Variants in SKA2 observed in about 807,000 individuals in gnomAD.
SKA2 encodes spindle and kinetochore-associated protein 2.
A neutral mutation model predicts 16.9 loss-of-function variants in SKA2; 13 were observed. The observed-to-expected ratio is 0.77, with a 90% CI of 0.50 to 1.22. The LOEUF is 1.22. Ranked by LOEUF, SKA2 falls within the 50% of genes most tolerant of loss-of-function variation. SKA2 has a pLI of 0.00. For missense variants in SKA2, 107 were observed against 139.7 expected (o/e 0.77, Z 1.18); for synonymous variants, 47 against 48.5 (o/e 0.97, Z 0.13).
chr17:59,153,270 T>C (rs1714287518), intron 1 of SKA2, among the ~76,000 whole-genome samples: 1 of 152,242 alleles, frequency 6.6e-6, no homozygotes, highest in African/African-American at 2.4e-5. Flanking sequence ...AAGGGCAAGA[T>C]AGTCTTAACA....
chr17:59,128,391 G>A (rs1056320105), intron 2 of SKA2, among the ~76,000 whole-genome samples: 5 of 151,626 alleles, frequency 3.3e-5, no homozygotes, highest in Admixed American at 6.6e-5. Context: ...TTGGGAGGCC[G>A]AGGAGGGTGG....
At position 59,150,950 on chromosome 17, in the gene SKA2, C is replaced by T. The variant is rs374467715; in HGVS notation, c.33+4181G>A. Reference sequence around the variant, plus strand: ...TTAGATATAAAAAATATTCTCCAGACGTGTTTCATAATGCAGTAAAATATT... The same window carrying T: ...TTAGATATAAAAAATATTCTCCAGATGTGTTTCATAATGCAGTAAAATATT... On this transcript the variant is annotated intron_variant, in intron 1 of 3. Transcript: ENST00000330137. Among the ~76,000 whole-genome samples the T allele has an allele frequency of 5.3e-5, 8 of 151,462 alleles. No homozygotes were observed. The East Asian group carries it at 1.2e-3, about 22-fold the overall frequency.
At chr17:59,125,074 A>G (rs9889557) in intron 2 of SKA2, among the ~76,000 whole-genome samples, 108 of 151,542 alleles carry the variant, frequency 7.1e-4, no homozygotes, top group African/African-American at 2.5e-3. Context: ...CCCAGGTTCA[A>G]GCAATTCTCC....
At chr17:59,130,405 A>G (rs1190262918) in intron 2 of SKA2, among the ~76,000 whole-genome samples, 1 of 148,742 alleles carries the variant, frequency 6.7e-6, no homozygotes, top group Non-Finnish European at 1.5e-5. Context: ...TGAGGTCAGG[A>G]GCTCAAGACC....
chr17:59,135,585 G>A (rs2046439200), intron 1 of SKA2, among the ~76,000 whole-genome samples: 1 of 151,584 alleles, frequency 6.6e-6, no homozygotes, highest in African/African-American at 2.4e-5. Context: ...CAAAGTGGTG[G>A]GATTACAGGC....
In SKA2 at chr17:59,139,034, C is replaced by T. The variant is rs149517152; in HGVS notation, c.34-7667G>A. ...AGTGAAAAAAAGTATTTCAGTCTCA[C>T]CTATGGTGGGCTAGGCATAGAGAAG... On this transcript the variant is annotated intron_variant, in intron 1 of 3. Coordinates refer to ENST00000330137, the MANE Select transcript of SKA2 (RefSeq NM_182620.4). 5.8e-3 allele frequency among the ~76,000 whole-genome samples: 883 copies of T among 152,190 alleles called. 2 individuals are homozygous for T. The highest frequency in any genetic ancestry group is 0.017 in the Middle Eastern group (5 of 294).
chr17:59,112,367 C>A (rs908999638), intron 3 of SKA2, 22 bp from the exon 4 acceptor site: 5 of 1,582,518 alleles, frequency 3.2e-6, no homozygotes, highest in Non-Finnish European at 4.3e-6. Context: ...ATGATAAAAT[C>A]TTTATTTCAA....
intron 3 of SKA2, among the ~76,000 whole-genome samples, chr17:59,112,947 T>C (rs777735529): frequency 6.6e-6 from 1 of 152,016 alleles, no homozygotes; most frequent in African/African-American, 2.4e-5. Context: ...ACGGGGTCAC[T>C]CTGTCGCCCA....
At chr17:59,152,789 T>C (rs1005672495) in intron 1 of SKA2, among the ~76,000 whole-genome samples, 1 of 149,750 alleles carries the variant, frequency 6.7e-6, no homozygotes, top group Non-Finnish European at 1.5e-5. Context: ...AAAGCAGTAA[T>C]AATTAGAGCC....
chr17:59,154,979 G>C (rs765338616), intron 1 of SKA2, 152 bp downstream of exon 1: 1 of 1,613,996 alleles, frequency 6.2e-7, no homozygotes, highest in South Asian at 1.1e-5. Flanking sequence ...GACACCAGAC[G>C]GTGGCGGCTC....
At chr17:59,113,324 C>A (rs1400074618) in intron 3 of SKA2, among the ~76,000 whole-genome samples, 1 of 151,724 alleles carries the variant, frequency 6.6e-6, no homozygotes, top group East Asian at 2.0e-4. Flanking sequence ...GAGTTTGAGA[C>A]CAGCCTGACC....
intron 1 of SKA2, among the ~76,000 whole-genome samples, chr17:59,136,733 C>T (rs1159213892): frequency 1.3e-5 from 2 of 151,164 alleles, no homozygotes; most frequent in Non-Finnish European, 3.0e-5. Flanking sequence ...ATTTTTAGTA[C>T]AGACAGGGTT....
At chr17:59,150,210 T>C (rs1277985566) in intron 1 of SKA2, among the ~76,000 whole-genome samples, 2 of 152,168 alleles carry the variant, frequency 1.3e-5, no homozygotes, top group Non-Finnish European at 2.9e-5. Context: ...TGCATTATGA[T>C]TGCCTCTGTG....
chr17:59,112,400 GT>G, intron 3 of SKA2, 55 bp from the exon 4 acceptor site: 2 of 1,356,782 alleles, frequency 1.5e-6, no homozygotes, highest in Non-Finnish European at 2.1e-6. Flanking sequence ...ACTTAAATCA[GT>G]TTAGTTAACT....
chr17:59,132,659 T>C (rs1158397762), intron 1 of SKA2, among the ~76,000 whole-genome samples: 1 of 152,210 alleles, frequency 6.6e-6, no homozygotes, highest in African/African-American at 2.4e-5. Flanking sequence ...CAAGACTCTA[T>C]CTCATAAATA....
chr17:59,130,213 T>C, intron 2 of SKA2, among the ~76,000 whole-genome samples: 1 of 152,092 alleles, frequency 6.6e-6, no homozygotes, highest in Non-Finnish European at 1.5e-5. Context: ...AAATGTTAGT[T>C]TAACTTATAC....
chr17:59,135,165 T>G (rs2046435651), intron 1 of SKA2, among the ~76,000 whole-genome samples: 1 of 152,018 alleles, frequency 6.6e-6, no homozygotes, highest in South Asian at 2.1e-4. Context: ...CACTATGGTT[T>G]CCTGCAATAC....
intron 2 of SKA2, among the ~76,000 whole-genome samples, chr17:59,123,013 C>T (rs1301021506): frequency 5.8e-5 from 8 of 138,658 alleles, no homozygotes; most frequent in Non-Finnish European, 1.1e-4. Context: ...CAGAGCAAAA[C>T]CTTGTCTCAA....
chr17:59,143,213 C>CT (rs545027539), intron 1 of SKA2, among the ~76,000 whole-genome samples: 137 of 147,358 alleles, frequency 9.3e-4, no homozygotes, highest in Admixed American at 3.6e-3. Context: ...AAACTTTTTT[C>CT]TTTTTTTTTT....
Sources: gnomAD v4.1 joint callset for allele counts (sites outside exome capture counted in the v4.1 genomes callset) on GRCh38, gnomAD v4.1.1 for gene constraint, MANE v1.5 for transcripts, NCBI Gene and HGNC (gene_info 2026-07-23, HGNC 2026-07-21) for gene names.